The following KANSL1L variants were observed in gnomAD, a reference collection of about 807,000 sequenced individuals.
KANSL1L encodes the protein KAT8 regulatory NSL complex subunit 1-like protein.
A neutral mutation model predicts 108.6 loss-of-function variants in KANSL1L; 25 were observed. That is an observed-to-expected ratio of 0.23 (90% confidence interval 0.17 to 0.32). The LOEUF (loss-of-function observed/expected upper bound fraction) is 0.32, where lower values mean the gene tolerates loss of function less well. Among genes scored for constraint, KANSL1L ranks in the 10% least tolerant of loss-of-function variants. The pLI is 1.00. For missense variants in KANSL1L, 1,137 were observed against 1,125.7 expected, an observed-to-expected ratio of 1.01 and a Z score of -0.14; for synonymous variants, 405 against 395.1, an observed-to-expected ratio of 1.03 and a Z score of -0.30.
At position 210,160,648 on chromosome 2, in the gene KANSL1L, C is replaced by T. The variant is rs77857507; in HGVS notation, c.-29-6037G>A. On this transcript the variant is annotated intron_variant, in intron 1 of 14. Coordinates refer to ENST00000281772, the MANE Select transcript of KANSL1L (RefSeq NM_152519.4). The stretch of plus-strand genomic sequence containing the variant: ...GGTCTTTATACTGAAAAATACAAAA[C>T]ACCCATAAAAATATCAAGACCTAAA... Among the ~76,000 whole-genome samples the T allele has an allele frequency of 5.0e-4, 76 of 152,238 alleles. 1 individual carries two copies. In the East Asian group the frequency reaches 0.013, roughly 26 times the overall value.
At chr2:210,094,157 G>T (rs2094716116) in intron 5 of KANSL1L, among the ~76,000 whole-genome samples, 1 of 152,036 alleles carries the variant, frequency 6.6e-6, no homozygotes, top group Non-Finnish European at 1.5e-5. Context: ...ACAACATTTT[G>T]ATTGTATTTA....
chr2:210,156,283 A>G (rs1025053274), intron 1 of KANSL1L, among the ~76,000 whole-genome samples: 1 of 152,132 alleles, frequency 6.6e-6, no homozygotes, highest in Non-Finnish European at 1.5e-5. Context: ...CATACATATC[A>G]TGAGATGTAA....
At chr2:210,145,138 C>G (rs1281162794) in intron 2 of KANSL1L, among the ~76,000 whole-genome samples, 1 of 152,174 alleles carries the variant, frequency 6.6e-6, no homozygotes, top group Non-Finnish European at 1.5e-5. Context: ...ACAGCAGCGG[C>G]AAGGGTTATT....
chr2:210,078,066 A>G (rs748169035), intron 5 of KANSL1L, among the ~76,000 whole-genome samples: 1 of 152,230 alleles, frequency 6.6e-6, no homozygotes, highest in Non-Finnish European at 1.5e-5. Context: ...CACCTAGGCT[A>G]TATGGTATAG....
At chr2:210,066,459 A>G (rs1418246745) in intron 6 of KANSL1L, among the ~76,000 whole-genome samples, 1 of 152,270 alleles carries the variant, frequency 6.6e-6, no homozygotes, top group Non-Finnish European at 1.5e-5. Context: ...AGCATGGGGC[A>G]CATGCCCACT....
chr2:210,153,548 A>G lies in KANSL1L; in HGVS notation c.1035T>C (p.Asp345=). ...VEEGLDSDAT[D]SSSDDDLDEY... ...CATCCAAATCGTCATCAGAGCTGCT[A>G]TCAGTTGCATCGGAATCCAAACCCT... The change falls in exon 2 of 15, where the codon GAT becomes GAC. Residue 345 remains aspartate, a synonymous_variant. Transcript: ENST00000281772. 1 of 1,614,134 alleles carries G rather than the reference A, an allele frequency of 6.2e-7. No homozygotes were observed. The highest frequency in any genetic ancestry group is 8.5e-7 in the Non-Finnish European group (1 of 1,180,010).
At chr2:210,025,768 G>A (rs1015921418) in intron 12 of KANSL1L, among the ~76,000 whole-genome samples, 2 of 152,130 alleles carry the variant, frequency 1.3e-5, no homozygotes, top group African/African-American at 4.8e-5. Flanking sequence ...TGTAGTGAGT[G>A]CAGTGGTGCA....
chr2:210,104,351 A>T, intron 3 of KANSL1L, 50 bp from the exon 4 acceptor site: 1 of 1,368,064 alleles, frequency 7.3e-7, no homozygotes, highest in Non-Finnish European at 1.0e-6. Context: ...CTTATTATTA[A>T]GCCACCTTTA....
intron 10 of KANSL1L, 106 bp downstream of exon 10, chr2:210,029,697 A>G: frequency 9.8e-6 from 5 of 510,478 alleles, no homozygotes; most frequent in Non-Finnish European, 1.4e-5. Flanking sequence ...GTCTGTTAAT[A>G]TGTGCTAGTA....
At chr2:210,147,524 G>A (rs2095274073) in intron 2 of KANSL1L, among the ~76,000 whole-genome samples, 1 of 152,050 alleles carries the variant, frequency 6.6e-6, no homozygotes, top group African/African-American at 2.4e-5. Flanking sequence ...TTACACTTTT[G>A]AATTTCTGCC....
At chr2:210,145,248 C>T (rs903094659) in intron 2 of KANSL1L, among the ~76,000 whole-genome samples, 1 of 152,180 alleles carries the variant, frequency 6.6e-6, no homozygotes, top group Non-Finnish European at 1.5e-5. Flanking sequence ...GGCACTGGGT[C>T]TGACTTGCAG....
intron 13 of KANSL1L, among the ~76,000 whole-genome samples, chr2:210,024,663 A>G (rs922857249): frequency 6.6e-6 from 1 of 152,068 alleles, no homozygotes; most frequent in Admixed American, 6.5e-5. Flanking sequence ...TTCTAAAAGT[A>G]TTTTAGACTT....
At chr2:210,067,841 T>C (rs985666683) in intron 6 of KANSL1L, among the ~76,000 whole-genome samples, 3 of 151,974 alleles carry the variant, frequency 2.0e-5, no homozygotes, top group African/African-American at 4.8e-5. Context: ...TTACAAAAGA[T>C]CTGTTCAAGT....
At chr2:210,033,844 T>C (rs2094061569) in intron 8 of KANSL1L, among the ~76,000 whole-genome samples, 1 of 152,156 alleles carries the variant, frequency 6.6e-6, no homozygotes, top group Non-Finnish European at 1.5e-5. Context: ...GGCCAAAAGT[T>C]GATTTTTAAA....
intron 3 of KANSL1L, among the ~76,000 whole-genome samples, chr2:210,123,181 G>C (rs2095036622): frequency 1.3e-5 from 2 of 152,048 alleles, no homozygotes; most frequent in African/African-American, 4.8e-5. Flanking sequence ...CTTACTCCTA[G>C]GCATATACCC....
chr2:210,043,899 G>T lies in KANSL1L; in HGVS notation c.1921+40C>A, dbSNP rs147068360. 437 of 1,382,418 alleles carry T rather than the reference G, an allele frequency of 3.2e-4. 5 individuals are homozygous for T. The African/African-American group carries it at 3.7e-3, about 12-fold the overall frequency. 85.6% of individuals were successfully genotyped at this position (1,382,418 alleles called of 1,614,324 possible). On this transcript the variant is annotated intron_variant, in intron 7 of 14. Coordinates refer to ENST00000281772, the MANE Select transcript of KANSL1L (RefSeq NM_152519.4). ...ATTTAGAGGATTAGATTTCAGTACA[G>T]AAAATATCGTTACTTAGAAATTGTT...
intron 7 of KANSL1L, 142 bp from the exon 8 acceptor site, chr2:210,040,669 C>T: frequency 2.1e-6 from 1 of 483,272 alleles, no homozygotes; most frequent in East Asian, 3.2e-5. Context: ...GATGTAACAA[C>T]TATCGGAAGT....
At chr2:210,135,062 C>T (rs933618201) in intron 2 of KANSL1L, among the ~76,000 whole-genome samples, 5 of 152,134 alleles carry the variant, frequency 3.3e-5, no homozygotes, top group African/African-American at 9.7e-5. Context: ...ACTGCCAGAG[C>T]AAGAAGTCTA....
At chr2:210,068,804 C>T (rs1205611182) in intron 6 of KANSL1L, among the ~76,000 whole-genome samples, 1 of 152,158 alleles carries the variant, frequency 6.6e-6, no homozygotes, top group Non-Finnish European at 1.5e-5. Flanking sequence ...GAATCCATGT[C>T]ATTAAGACAG....
Sources: gnomAD v4.1 joint callset for allele counts (sites outside exome capture counted in the v4.1 genomes callset) on GRCh38, gnomAD v4.1.1 for gene constraint, MANE v1.5 for transcripts, NCBI Gene and HGNC (gene_info 2026-07-23, HGNC 2026-07-21) for gene names.